The following CFAP61 variants were observed in gnomAD, a reference collection of about 807,000 sequenced individuals.
CFAP61 encodes cilia and flagella associated protein 61, also known as cilia- and flagella-associated protein 61.
A neutral mutation model predicts 135.6 loss-of-function variants in CFAP61; 107 were observed. The ratio of observed to expected loss-of-function variants is 0.79; its 90% CI spans 0.67 to 0.93. The LOEUF (loss-of-function observed/expected upper bound fraction) is 0.93, where lower values mean the gene tolerates loss of function less well. CFAP61 is among the 40% of genes least tolerant of loss of function. The pLI is 0.00. For missense variants in CFAP61, 1,507 were observed against 1,556.2 expected, an observed-to-expected ratio of 0.97 and a Z score of 0.53; for synonymous variants, 575 against 578.5, an observed-to-expected ratio of 0.99 and a Z score of 0.09.
At chr20:20,078,975 G>A (rs770798235) in intron 6 of CFAP61, among the ~76,000 whole-genome samples, 1 of 152,118 alleles carries the variant, frequency 6.6e-6, no homozygotes, top group African/African-American at 2.4e-5. Flanking sequence ...ACTCAATGTC[G>A]ATAAATCTAA....
At chr20:20,337,614 G>A (rs1388559127) in intron 25 of CFAP61, among the ~76,000 whole-genome samples, 3 of 15,670 alleles carry the variant, frequency 1.9e-4, no homozygotes, top group Admixed American at 1.1e-3. Flanking sequence ...ATAGATGGGT[G>A]GGTGGGTGGA....
intron 20 of CFAP61, among the ~76,000 whole-genome samples, chr20:20,260,222 T>C (rs2052046255): frequency 6.6e-6 from 1 of 152,204 alleles, no homozygotes; most frequent in African/African-American, 2.4e-5. Flanking sequence ...GAAGCTTCTT[T>C]TTACTTTTCA....
intron 13 of CFAP61, 93 bp from the exon 14 acceptor site, chr20:20,187,837 T>C: frequency 2.1e-6 from 2 of 931,206 alleles, no homozygotes; most frequent in Non-Finnish European, 1.7e-6. Context: ...GATATTATTT[T>C]ATATAAGTGT....
intron 25 of CFAP61, among the ~76,000 whole-genome samples, chr20:20,302,313 A>G (rs2056158035): frequency 6.6e-6 from 1 of 152,120 alleles, no homozygotes; most frequent in Non-Finnish European, 1.5e-5. Flanking sequence ...CTTCTTTTCC[A>G]ACTTTTATAC....
chr20:20,075,581 AG>A lies in CFAP61; in HGVS notation c.533del (p.Ser178ThrfsTer30). On this transcript the variant is annotated frameshift_variant, in exon 6 of 27. Coordinates refer to ENST00000245957, the MANE Select transcript of CFAP61 (RefSeq NM_015585.4). LOFTEE classifies it high-confidence loss of function. Reference sequence around the variant, plus strand: ...TGCAGTGCATATATGTCACAGGCACAGCCACTATCCTCAGCTGCACGTTCGC... The same window carrying A: ...TGCAGTGCATATATGTCACAGGCACACCACTATCCTCAGCTGCACGTTCGC... ...DFAVHICHRH[S>X]HYPQLHVRKA... 1.2e-6 allele frequency: 2 copies of A among 1,614,212 alleles called. No homozygotes were observed. Among genetic ancestry groups the A allele is most frequent in the Middle Eastern group, 3.3e-4 (2 of 6,062 alleles).
chr20:20,358,403 C>T (rs755658796), intron 26 of CFAP61, among the ~76,000 whole-genome samples: 13 of 152,182 alleles, frequency 8.5e-5, no homozygotes, highest in Admixed American at 2.0e-4. Flanking sequence ...AGTGGTTTTA[C>T]GCTATTTAAC....
intron 17 of CFAP61, among the ~76,000 whole-genome samples, chr20:20,209,990 C>T (rs976794968): frequency 6.6e-6 from 1 of 152,166 alleles, no homozygotes; most frequent in East Asian, 1.9e-4. Context: ...TGAGGCCAGT[C>T]TGAGTGTGGC....
intron 3 of CFAP61, 89 bp from the exon 4 acceptor site, chr20:20,074,213 T>A: frequency 1.0e-6 from 1 of 976,158 alleles, no homozygotes; most frequent in East Asian, 2.4e-5. Context: ...TCTGTGTCTG[T>A]GGATGCCCCG....
chr20:20,091,476 CCT>C (rs371146134), intron 7 of CFAP61, among the ~76,000 whole-genome samples: 2 of 143,106 alleles, frequency 1.4e-5, no homozygotes, highest in African/African-American at 2.6e-5. Context: ...TTTCTAATTC[CCT>C]CTCTCTCTCT....
intron 13 of CFAP61, among the ~76,000 whole-genome samples, chr20:20,178,448 T>C (rs1231120926): frequency 6.6e-6 from 1 of 152,204 alleles, no homozygotes; most frequent in African/African-American, 2.4e-5. Context: ...AGAGAACATA[T>C]TCAGGTGAAC....
intron 26 of CFAP61, among the ~76,000 whole-genome samples, chr20:20,352,085 AAG>A (rs1388001896): frequency 6.6e-6 from 1 of 152,216 alleles, no homozygotes; most frequent in Non-Finnish European, 1.5e-5. Context: ...TTACGAAGGA[AAG>A]AGGTTTAATT....
intron 7 of CFAP61, chr20:20,095,654 C>T (rs1369214873): frequency 1.3e-5 from 2 of 152,422 alleles, no homozygotes; most frequent in Non-Finnish European, 2.9e-5. Context: ...GCGGCGGCTC[C>T]TAGTGACAGA....
At chr20:20,196,302 C>CT (rs752280081) in intron 15 of CFAP61, among the ~76,000 whole-genome samples, 87 of 152,274 alleles carry the variant, frequency 5.7e-4, no homozygotes, top group Middle Eastern at 6.8e-3. Context: ...TCGGGGCTCT[C>CT]TGAGTTGATA....
At position 20,116,856 on chromosome 20, in the gene CFAP61, G is replaced by GT. The variant is rs1188153638; in HGVS notation, c.859+18050dup. Among the ~76,000 whole-genome samples, 9 of 151,354 alleles carry GT rather than the reference G, an allele frequency of 5.9e-5. No individual in the cohort carries two copies. In the East Asian group the frequency reaches 9.7e-4, roughly 16 times the overall value. The stretch of plus-strand genomic sequence containing the variant: ...ATGTGAGTGAGAACATTTGATACTT[G>GT]TTTTTTTTCACATTTGTTATACTCC... On this transcript the variant is annotated intron_variant, in intron 8 of 26. Transcript: ENST00000245957.
At chr20:20,135,428 G>A (rs1441271751) in intron 8 of CFAP61, among the ~76,000 whole-genome samples, 1 of 152,170 alleles carries the variant, frequency 6.6e-6, no homozygotes, top group African/African-American at 2.4e-5. Flanking sequence ...ACAAAAACAT[G>A]TCAAGAAATA....
Position 20,277,352 on chromosome 20 carries a change from T to A in CFAP61, c.2690T>A (p.Met897Lys). ...GCGCTAGGAGCCGCCGGAGTCACTA[T>A]GTACCGGGATGCGATCCTGGCCCAG... ...ADALGAAGVT[M>K]YRDAILAQWN... The change falls in exon 22 of 27, where the codon ATG (methionine) becomes AAG (lysine). Residue 897 changes from methionine (M) to lysine (K), a missense_variant. Physicochemically the swap from Met to Lys is moderately conservative, Grantham distance 95. Coordinates refer to ENST00000245957, the MANE Select transcript of CFAP61 (RefSeq NM_015585.4). 6.2e-7 allele frequency: 1 copy of A among 1,614,202 alleles called. No individual in the cohort carries two copies. The highest frequency in any genetic ancestry group is 1.3e-5 in the African/African-American group (1 of 75,050).
intron 18 of CFAP61, among the ~76,000 whole-genome samples, chr20:20,244,390 A>T (rs1027994030): frequency 3.9e-5 from 6 of 151,978 alleles, no homozygotes; most frequent in Non-Finnish European, 7.4e-5. Flanking sequence ...AGGTTCTCAA[A>T]CCTCAATTCT....
chr20:20,268,095 A>G (rs1275542928), intron 21 of CFAP61, among the ~76,000 whole-genome samples: 1 of 152,212 alleles, frequency 6.6e-6, no homozygotes, highest in Admixed American at 6.5e-5. Context: ...ATGTCACCCT[A>G]ATAACACCAG....
At chr20:20,225,514 G>C (rs1479944024) in intron 17 of CFAP61, 1 of 152,118 alleles carries the variant, frequency 6.6e-6, no homozygotes, top group Non-Finnish European at 1.5e-5. Context: ...GCTATTGTGT[G>C]GGAAACAAAA....
Sources: gnomAD v4.1 joint callset for allele counts (sites outside exome capture counted in the v4.1 genomes callset) on GRCh38, gnomAD v4.1.1 for gene constraint, MANE v1.5 for transcripts, NCBI Gene and HGNC (gene_info 2026-07-23, HGNC 2026-07-21) for gene names.